The following CDH13 variants were observed in gnomAD, a reference collection of about 807,000 sequenced individuals.
CDH13 encodes cadherin 13.
Under a neutral mutation model 63.8 loss-of-function variants are expected in CDH13, and 24 were observed. The ratio of observed to expected loss-of-function variants is 0.38; its 90% CI spans 0.27 to 0.53. CDH13 has a LOEUF of 0.53. Among genes scored for constraint, CDH13 ranks in the 20% least tolerant of loss-of-function variants. The pLI, the probability that CDH13 is intolerant of heterozygous loss-of-function variation, is 0.85. For missense variants in CDH13, 1,049 were observed against 903.1 expected (o/e 1.16, Z -2.07); for synonymous variants, 503 against 355.3 (o/e 1.42, Z -4.67).
chr16:83,305,204 C>T (rs1401501112), intron 5 of CDH13, among the ~76,000 whole-genome samples: 1 of 152,146 alleles, frequency 6.6e-6, no homozygotes, highest in Non-Finnish European at 1.5e-5. Flanking sequence ...CATTTGTAGG[C>T]ATCCTCATTT....
chr16:82,926,727 C>T (rs2042314314), intron 2 of CDH13, among the ~76,000 whole-genome samples: 1 of 152,206 alleles, frequency 6.6e-6, no homozygotes, highest in African/African-American at 2.4e-5. Flanking sequence ...TTCACCCAAC[C>T]TCTGAGCAGT....
intron 2 of CDH13, among the ~76,000 whole-genome samples, chr16:82,967,788 G>T (rs1390179300): frequency 6.6e-6 from 1 of 152,164 alleles, no homozygotes; most frequent in Non-Finnish European, 1.5e-5. Context: ...TGTCCTTACT[G>T]GTGACATTAA....
chr16:83,472,428 C>A (rs2073480109), intron 6 of CDH13, among the ~76,000 whole-genome samples: 1 of 152,190 alleles, frequency 6.6e-6, no homozygotes. Flanking sequence ...AGATATGAGA[C>A]TGGGGAGAGC....
intron 4 of CDH13, among the ~76,000 whole-genome samples, chr16:83,135,645 A>C (rs1348867988): frequency 2.6e-5 from 4 of 152,212 alleles, no homozygotes; most frequent in African/African-American, 9.7e-5. Context: ...AACTAGAACT[A>C]CCATTTGATC....
intron 10 of CDH13, among the ~76,000 whole-genome samples, chr16:83,692,928 C>T (rs1320402945): frequency 6.6e-6 from 1 of 152,082 alleles, no homozygotes; most frequent in Non-Finnish European, 1.5e-5. Context: ...CTAAAAAATA[C>T]AAAAATTAGC....
intron 1 of CDH13, among the ~76,000 whole-genome samples, chr16:82,850,190 C>G (rs1183502090): frequency 2.0e-5 from 3 of 152,018 alleles, no homozygotes; most frequent in East Asian, 3.9e-4. Context: ...AAAGGATTCA[C>G]CATTCTAGAT....
chr16:83,291,942 C>G (rs2089476159), intron 5 of CDH13, among the ~76,000 whole-genome samples: 1 of 152,154 alleles, frequency 6.6e-6, no homozygotes, highest in African/African-American at 2.4e-5. Context: ...ACAAATTTAT[C>G]ACATCACGTT....
intron 10 of CDH13, among the ~76,000 whole-genome samples, chr16:83,725,191 T>C (rs974709589): frequency 6.6e-6 from 1 of 152,192 alleles, no homozygotes; most frequent in Non-Finnish European, 1.5e-5. Context: ...GGGCTCAGAC[T>C]TGCAGGTAGA....
intron 2 of CDH13, among the ~76,000 whole-genome samples, chr16:82,886,107 G>T (rs961531430): frequency 7.9e-5 from 12 of 152,016 alleles, no homozygotes; most frequent in Non-Finnish European, 1.3e-4. Context: ...TGTTTCATCA[G>T]CTCATTTTAA....
intron 5 of CDH13, among the ~76,000 whole-genome samples, chr16:83,264,402 A>C (rs542389715): frequency 3.3e-5 from 5 of 152,170 alleles, no homozygotes; most frequent in African/African-American, 1.2e-4. Context: ...CTTTATATTT[A>C]ACTTCATCAA....
At chr16:83,116,729 A>G (rs1597366403) in intron 3 of CDH13, among the ~76,000 whole-genome samples, 1 of 152,232 alleles carries the variant, frequency 6.6e-6, no homozygotes, top group Non-Finnish European at 1.5e-5. Flanking sequence ...TTTCCTAACA[A>G]TCACTGTGTT....
intron 4 of CDH13, among the ~76,000 whole-genome samples, chr16:83,213,447 G>A (rs560050131): frequency 2.4e-4 from 36 of 152,270 alleles, no homozygotes; most frequent in African/African-American, 8.4e-4. Flanking sequence ...AGGTCTGGGT[G>A]CTGTGTTCCC....
intron 5 of CDH13, among the ~76,000 whole-genome samples, chr16:83,260,062 A>G (rs1031586754): frequency 3.3e-5 from 2 of 59,910 alleles, no homozygotes; most frequent in African/African-American, 1.3e-4. Context: ...CACAGTATAT[A>G]ATAGTTTTTT....
In CDH13 at chr16:83,532,322, C is replaced by G. The variant is rs544725088; in HGVS notation, c.960+45667C>G. Among the ~76,000 whole-genome samples the G allele has an allele frequency of 2.0e-5, 3 of 152,308 alleles. No homozygotes were observed. In the South Asian group the frequency reaches 6.2e-4, roughly 32 times the overall value. On this transcript the variant is annotated intron_variant, in intron 7 of 13. Transcript: ENST00000567109. Reference sequence around the variant, plus strand: ...GTGACTTCTGTCACCACCCTCACCCCAAGATTAGAAGAGTTCCCATTGCAC... The same window carrying G: ...GTGACTTCTGTCACCACCCTCACCCGAAGATTAGAAGAGTTCCCATTGCAC...
At chr16:83,269,238 C>T (rs912637270) in intron 5 of CDH13, among the ~76,000 whole-genome samples, 2 of 152,204 alleles carry the variant, frequency 1.3e-5, no homozygotes, top group African/African-American at 4.8e-5. Flanking sequence ...CACCAGATGA[C>T]TGTTGTATCT....
chr16:83,433,981 C>G (rs992994026), intron 6 of CDH13, among the ~76,000 whole-genome samples: 8 of 151,956 alleles, frequency 5.3e-5, no homozygotes, highest in Admixed American at 3.3e-4. Context: ...ATTTTTCTTT[C>G]CTTTCTAGCA....
intron 3 of CDH13, among the ~76,000 whole-genome samples, chr16:83,114,162 T>C (rs1226041964): frequency 6.6e-6 from 1 of 152,224 alleles, no homozygotes; most frequent in Non-Finnish European, 1.5e-5. Flanking sequence ...AGGAATGTAA[T>C]GTAATGATTC....
At chr16:83,119,135 T>C (rs567569417) in intron 3 of CDH13, among the ~76,000 whole-genome samples, 2 of 152,338 alleles carry the variant, frequency 1.3e-5, no homozygotes, top group East Asian at 3.9e-4. Flanking sequence ...ACCTCTGCCT[T>C]GTGTAACGTG....
intron 6 of CDH13, among the ~76,000 whole-genome samples, chr16:83,457,596 A>G (rs2073058203): frequency 1.3e-5 from 2 of 152,254 alleles, no homozygotes; most frequent in African/African-American, 4.8e-5. Flanking sequence ...CAACAATGAC[A>G]TCCACAGTAG....
Sources: gnomAD v4.1 joint callset for allele counts (sites outside exome capture counted in the v4.1 genomes callset) on GRCh38, gnomAD v4.1.1 for gene constraint, MANE v1.5 for transcripts, NCBI Gene and HGNC (gene_info 2026-07-23, HGNC 2026-07-21) for gene names.